Variants in USP34 observed in about 807,000 individuals in gnomAD.
USP34 encodes ubiquitin carboxyl-terminal hydrolase 34.
Under a neutral mutation model 460.3 loss-of-function variants are expected in USP34, and 70 were observed. The observed-to-expected ratio is 0.15, with a 90% CI of 0.13 to 0.19. The LOEUF is 0.19. Ranked by LOEUF, USP34 falls within the 10% of genes least tolerant of loss-of-function variation. The pLI, the probability that USP34 is intolerant of heterozygous loss-of-function variation, is 1.00. For synonymous variants in USP34, 1,647 were observed against 1,405.3 expected (o/e 1.17, Z -3.85); for missense variants, 3,985 against 4,236.2 (o/e 0.94, Z 1.65).
chr2:61,242,480 C>CACACAA (rs1398278893), intron 51 of USP34, among the ~76,000 whole-genome samples: 16 of 151,312 alleles, frequency 1.1e-4, no homozygotes, highest in Admixed American at 1.1e-3. Context: ...CACACACACA[C>CACACAA]ACACACACAC....
intron 1 of USP34, among the ~76,000 whole-genome samples, chr2:61,437,806 T>TAAATAAATAAAC (rs1387227681): frequency 6.7e-6 from 1 of 149,896 alleles, no homozygotes; most frequent in Non-Finnish European, 1.5e-5. Flanking sequence ...AATAAATAAA[T>TAAATAAATAAAC]AAATAAATAA....
rs377763282 is a variant in USP34 at position 61,343,968 on chromosome 2, C to T, written c.2347G>A (p.Ala783Thr). 4.3e-6 allele frequency: 7 copies of T among 1,613,760 alleles called. No individual in the cohort carries two copies. The African/African-American group carries it at 8.0e-5, about 18-fold the overall frequency. ...DVSCSSSQVS[A>T]KSEKNMADFD... ...TCAGCCATATTTTTTTCTGATTTTG[C>T]ACTAACCTGGGAGCTACTACAACTG... The change falls in exon 16 of 80, where the codon GCA becomes ACA. Residue 783 changes from alanine (A) to threonine (T), a missense_variant. Ala to Thr is a moderately conservative substitution (Grantham distance 58, BLOSUM62 0). Around this residue, in one of 14 missense-constraint regions of USP34, gnomAD observed 716 missense variants for 626.2 expected, o/e 1.14. Transcript: ENST00000398571.
At chr2:61,390,763 T>C (rs933065265) in intron 5 of USP34, among the ~76,000 whole-genome samples, 1 of 151,998 alleles carries the variant, frequency 6.6e-6, no homozygotes, top group African/African-American at 2.4e-5. Context: ...TGAGTTTTCC[T>C]GAGATGAAAT....
At chr2:61,218,660 C>A (rs1004134325) in intron 67 of USP34, among the ~76,000 whole-genome samples, 1 of 151,880 alleles carries the variant, frequency 6.6e-6, no homozygotes, top group Admixed American at 6.6e-5. Context: ...GTGACAGTTT[C>A]TTAGATTTTC....
At chr2:61,357,237 T>C (rs1572964604) in intron 10 of USP34, among the ~76,000 whole-genome samples, 1 of 152,088 alleles carries the variant, frequency 6.6e-6, no homozygotes, top group African/African-American at 2.4e-5. Context: ...CATACTAAAA[T>C]GTTTCTCTAC....
At position 61,311,895 on chromosome 2, in the gene USP34, C is replaced by G. The variant is rs1211984921; in HGVS notation, c.3558G>C (p.Leu1186=). Residue 1186 remains leucine (L), a synonymous_variant, in exon 26 of 80, where the codon CTG becomes CTC. Coordinates refer to ENST00000398571, the MANE Select transcript of USP34 (RefSeq NM_014709.4). The stretch of plus-strand genomic sequence containing the variant: ...CAGTGCCTTCAATTTGCCACTGTCT[C>G]AGATGATATGCAAACCTAAAACATG... ...EAFRRRFAYH[L]RQWQIEGTGI... The G allele has an allele frequency of 2.5e-6, 4 of 1,613,372 alleles. No homozygotes were observed. The highest frequency in any genetic ancestry group is 2.7e-5 in the African/African-American group (2 of 74,906).
rs113399084 is a variant in USP34, at chr2:61,266,090, T to G, written c.5511A>C (p.Ser1837=). ...CGTAAGCGGCAGCTCTTGAAGAATG[T>G]GATTTGCACTTTGGCTGTTGTCGGT... The part of the protein sequence containing the change: ...LKDRQQPKCK[S]HSSRAAAYDL... Residue 1837 remains serine (S), a synonymous_variant, in exon 42 of 80, where the codon TCA becomes TCC. Transcript: ENST00000398571. 1 of 1,613,884 alleles carries G rather than the reference T, an allele frequency of 6.2e-7. No homozygotes were observed. The highest frequency in any genetic ancestry group is 1.7e-5 in the Admixed American group (1 of 60,002).
intron 43 of USP34, among the ~76,000 whole-genome samples, chr2:61,261,174 G>C (rs1688867619): frequency 6.6e-6 from 1 of 152,194 alleles, no homozygotes. Context: ...CCCAAAAGTA[G>C]TAAAAGCAGG....
At chr2:61,242,438 A>G (rs930009718) in intron 51 of USP34, among the ~76,000 whole-genome samples, 8 of 148,482 alleles carry the variant, frequency 5.4e-5, no homozygotes, top group African/African-American at 2.0e-4. Context: ...AAAAGGTAAG[A>G]GTCAACCAAA....
In USP34 at chr2:61,221,640, C is replaced by A. The variant is rs774799491; in HGVS notation, c.7795-34G>T. Reference sequence around the variant, plus strand: ...CACATACATGACTGTGTATTTAGATCAATCTGAACCCATCTCCTTCAGCAG... The same window carrying A: ...CACATACATGACTGTGTATTTAGATAAATCTGAACCCATCTCCTTCAGCAG... On this transcript the variant is annotated intron_variant, in intron 65 of 79. Transcript: ENST00000398571. 5.0e-6 allele frequency: 8 copies of A among 1,584,270 alleles called. No homozygotes were observed. In the South Asian group the frequency reaches 7.8e-5, roughly 15 times the overall value.
chr2:61,318,130 C>G (rs925687095), intron 22 of USP34, among the ~76,000 whole-genome samples: 2 of 143,322 alleles, frequency 1.4e-5, no homozygotes, highest in African/African-American at 5.2e-5. Context: ...GAGGTCAAGG[C>G]TACAGTGAGA....
At position 61,190,688 on chromosome 2, in the gene USP34, T is replaced by C. The variant is rs545140189; in HGVS notation, c.9589-30A>G. Reference sequence around the variant, plus strand: ...AGTGGGGAGAAGATGGTTGAGCACTTACGGTTGAGCACGGAAAAAACTTAC... The same window carrying C: ...AGTGGGGAGAAGATGGTTGAGCACTCACGGTTGAGCACGGAAAAAACTTAC... On this transcript the variant is annotated intron_variant, in intron 76 of 79. Coordinates refer to ENST00000398571, the MANE Select transcript of USP34 (RefSeq NM_014709.4). The C allele has an allele frequency of 4.3e-5, 69 of 1,597,358 alleles. 1 individual carries two copies. In the South Asian group the frequency reaches 6.8e-4, roughly 16 times the overall value.
At chr2:61,272,394 G>A (rs969226598) in intron 41 of USP34, among the ~76,000 whole-genome samples, 7 of 142,294 alleles carry the variant, frequency 4.9e-5, no homozygotes, top group African/African-American at 1.9e-4. Flanking sequence ...CTGGGTGACA[G>A]AGGGAGACCC....
chr2:61,350,371 T>C lies in USP34; in HGVS notation c.1396A>G (p.Met466Val), dbSNP rs988157165. 6.2e-7 allele frequency: 1 copy of C among 1,613,166 alleles called. No individual in the cohort carries two copies. The highest frequency in any genetic ancestry group is 8.5e-7 in the Non-Finnish European group (1 of 1,179,658). ...TTATTCCACAGTGCTTTAATTAACA[T>C]GGATGCCAAGTACAGTGTCTAAAAA... The part of the protein sequence containing the change: ...HTEQTLYLAS[M>V]LIKALWNNAL... The change falls in exon 12 of 80, where the codon ATG (methionine) becomes GTG (valine). Residue 466 changes from methionine (M) to valine (V), a missense_variant. Met to Val is a conservative substitution (Grantham distance 21). This residue lies in a region of USP34 where 716 missense variants were observed against 626.2 expected (regional missense o/e 1.14). Coordinates refer to ENST00000398571, the MANE Select transcript of USP34 (RefSeq NM_014709.4).
At chr2:61,343,314 T>A (rs1691662244) in intron 16 of USP34, among the ~76,000 whole-genome samples, 1 of 152,310 alleles carries the variant, frequency 6.6e-6, no homozygotes, top group African/African-American at 2.4e-5. Flanking sequence ...CATGTCCTAT[T>A]ACTTTAAGAG....
intron 10 of USP34, 152 bp from the exon 11 acceptor site, chr2:61,350,845 T>C: frequency 1.4e-6 from 1 of 700,378 alleles, no homozygotes; most frequent in Non-Finnish European, 2.2e-6. Context: ...AGATGATGAA[T>C]GGCAGTGCAT....
At chr2:61,221,379 C>T (rs1687580937) in intron 66 of USP34, 123 bp downstream of exon 66, 4 of 827,666 alleles carry the variant, frequency 4.8e-6, no homozygotes, top group Non-Finnish European at 5.6e-6. Flanking sequence ...CCTCCCCAAA[C>T]CTGTGACTTA....
chr2:61,429,433 C>T (rs1050883538), intron 1 of USP34, among the ~76,000 whole-genome samples: 5 of 151,912 alleles, frequency 3.3e-5, no homozygotes, highest in African/African-American at 7.3e-5. Flanking sequence ...GGCAACAGAG[C>T]GAGACTCCGT....
intron 10 of USP34, among the ~76,000 whole-genome samples, chr2:61,356,757 T>G (rs1692120562): frequency 6.6e-6 from 1 of 152,172 alleles, no homozygotes. Context: ...GTACAGAGTT[T>G]CAGTTTTGCA....
Sources: gnomAD v4.1 joint callset for allele counts (sites outside exome capture counted in the v4.1 genomes callset) on GRCh38, gnomAD v4.1.1 for gene constraint, gnomAD v4.1.1 regional missense constraint, MANE v1.5 for transcripts, NCBI Gene and HGNC (gene_info 2026-07-23, HGNC 2026-07-21) for gene names.